The following NRXN3 variants were observed in gnomAD, a reference collection of about 807,000 sequenced individuals.
NRXN3 encodes neurexin 3.
Under a neutral mutation model 137.6 loss-of-function variants are expected in NRXN3, and 32 were observed. The ratio of observed to expected loss-of-function variants is 0.23; its 90% CI spans 0.18 to 0.31. The LOEUF is 0.31. Ranked by LOEUF, NRXN3 falls within the 10% of genes least tolerant of loss-of-function variation. NRXN3 has a pLI of 1.00. For missense variants in NRXN3, 1,574 were observed against 2,062.5 expected (o/e 0.76, Z 4.59); for synonymous variants, 798 against 784.5 (o/e 1.02, Z -0.29).
chr14:78,367,150 G>GT (rs1335979098), intron 4 of NRXN3, among the ~76,000 whole-genome samples: 4 of 152,002 alleles, frequency 2.6e-5, no homozygotes, highest in African/African-American at 9.7e-5. Flanking sequence ...ACTAACTAGG[G>GT]TTTTTCTGCT....
chr14:78,558,721 C>T (rs529876825), intron 4 of NRXN3, among the ~76,000 whole-genome samples: 124 of 152,076 alleles, frequency 8.2e-4, no homozygotes, highest in African/African-American at 2.8e-3. Context: ...ATTTTCTTAC[C>T]ATGTAAAATG....
intron 6 of NRXN3, among the ~76,000 whole-genome samples, chr14:78,703,151 T>C (rs1050045891): frequency 1.3e-5 from 2 of 152,218 alleles, no homozygotes; most frequent in Admixed American, 1.3e-4. Context: ...CAATTTCAGA[T>C]GTTAAAAGGT....
At chr14:79,010,363 C>T (rs2099568962) in intron 15 of NRXN3, among the ~76,000 whole-genome samples, 2 of 152,146 alleles carry the variant, frequency 1.3e-5, no homozygotes, top group Admixed American at 6.5e-5. Context: ...CCCACCTACC[C>T]ACCCAACTAA....
intron 4 of NRXN3, among the ~76,000 whole-genome samples, chr14:78,547,460 T>A (rs1008627972): frequency 6.6e-6 from 1 of 152,050 alleles, no homozygotes; most frequent in Non-Finnish European, 1.5e-5. Flanking sequence ...GGCCTCCCAA[T>A]TTCCAGGCAT....
At chr14:79,802,728 T>C (rs1173821462) in intron 19 of NRXN3, among the ~76,000 whole-genome samples, 2 of 152,316 alleles carry the variant, frequency 1.3e-5, no homozygotes, top group South Asian at 4.1e-4. Context: ...AGAGCTATTA[T>C]AGGGCCCCCT....
chr14:79,460,316 C>G (rs1290385167), intron 15 of NRXN3, among the ~76,000 whole-genome samples: 1 of 152,158 alleles, frequency 6.6e-6, no homozygotes, highest in Non-Finnish European at 1.5e-5. Context: ...AGGGTTTGAA[C>G]ATAACCTATT....
intron 16 of NRXN3, among the ~76,000 whole-genome samples, chr14:79,568,983 T>A (rs1419170980): frequency 6.6e-6 from 1 of 152,116 alleles, no homozygotes; most frequent in Non-Finnish European, 1.5e-5. Flanking sequence ...ATAATTGCTA[T>A]GTTGATGGGA....
At chr14:79,661,153 G>A (rs1480100119) in intron 16 of NRXN3, among the ~76,000 whole-genome samples, 3 of 152,200 alleles carry the variant, frequency 2.0e-5, no homozygotes, top group Admixed American at 1.3e-4. Flanking sequence ...TTAAAGCTAG[G>A]TGCTTTTCCT....
At chr14:78,940,137 C>A (rs1291054828) in intron 10 of NRXN3, among the ~76,000 whole-genome samples, 2 of 152,120 alleles carry the variant, frequency 1.3e-5, no homozygotes, top group South Asian at 2.1e-4. Flanking sequence ...ATAAAAATGC[C>A]CTCCACTACC....
At position 79,384,554 on chromosome 14, in the gene NRXN3, C is replaced by G. The variant is rs543674403; in HGVS notation, c.3263-82667C>G. Among the ~76,000 whole-genome samples, 20 of 152,256 alleles carry G rather than the reference C, an allele frequency of 1.3e-4. No homozygotes were observed. In the South Asian group the frequency reaches 3.1e-3, roughly 24 times the overall value. Reference sequence around the variant, plus strand: ...GCAACCATCTTACCCCAGGAGAGATCAAAAGACATTCACAGATTATGTTAA... The same window carrying G: ...GCAACCATCTTACCCCAGGAGAGATGAAAAGACATTCACAGATTATGTTAA... On this transcript the variant is annotated intron_variant, in intron 15 of 20. Transcript: ENST00000335750.
intron 11 of NRXN3, among the ~76,000 whole-genome samples, chr14:78,964,122 G>A (rs1279025123): frequency 2.0e-5 from 3 of 152,120 alleles, no homozygotes; most frequent in Admixed American, 6.5e-5. Context: ...CCAATATTGA[G>A]CACTTAAGGG....
intron 4 of NRXN3, among the ~76,000 whole-genome samples, chr14:78,608,342 A>T (rs570621914): frequency 1.5e-4 from 23 of 152,234 alleles, no homozygotes; most frequent in Non-Finnish European, 2.9e-4. Flanking sequence ...CTTCAGCCAA[A>T]AGAGAGACAT....
At chr14:79,720,273 T>C (rs1164149888) in intron 19 of NRXN3, among the ~76,000 whole-genome samples, 1 of 152,040 alleles carries the variant, frequency 6.6e-6, no homozygotes, top group African/African-American at 2.4e-5. Flanking sequence ...GTAAGAACAA[T>C]ATGGGGGAAA....
intron 10 of NRXN3, among the ~76,000 whole-genome samples, chr14:78,951,550 C>T (rs2099387115): frequency 6.6e-6 from 1 of 152,114 alleles, no homozygotes; most frequent in Non-Finnish European, 1.5e-5. Flanking sequence ...TGCTTTTCAT[C>T]GTATTACCCT....
intron 4 of NRXN3, among the ~76,000 whole-genome samples, chr14:78,504,795 T>C (rs1014635743): frequency 1.3e-5 from 2 of 152,270 alleles, no homozygotes; most frequent in South Asian, 2.1e-4. Context: ...GCTTAACGTA[T>C]ACTGTGTGAA....
At chr14:79,691,522 C>G (rs2098716527) in intron 17 of NRXN3, among the ~76,000 whole-genome samples, 1 of 151,954 alleles carries the variant, frequency 6.6e-6, no homozygotes, top group South Asian at 2.1e-4. Flanking sequence ...AAATGTGGAA[C>G]AAATCTGGAA....
At chr14:79,529,150 G>A (rs1020376086) in intron 16 of NRXN3, among the ~76,000 whole-genome samples, 2 of 152,160 alleles carry the variant, frequency 1.3e-5, no homozygotes, top group African/African-American at 2.4e-5. Flanking sequence ...CTCTCTGAGT[G>A]CACAATTTCT....
intron 19 of NRXN3, among the ~76,000 whole-genome samples, chr14:79,731,312 C>A (rs1277834590): frequency 6.6e-6 from 1 of 152,102 alleles, no homozygotes; most frequent in Non-Finnish European, 1.5e-5. Context: ...TAAAGAACTG[C>A]CTTTATTTTG....
intron 15 of NRXN3, among the ~76,000 whole-genome samples, chr14:79,262,240 C>G (rs1235434610): frequency 6.6e-6 from 1 of 152,012 alleles, no homozygotes; most frequent in Non-Finnish European, 1.5e-5. Flanking sequence ...ACATTTCTTC[C>G]CATGCAAGTG....
Sources: allele counts gnomAD v4.1 joint callset (sites outside exome capture counted in the v4.1 genomes callset), GRCh38; gene constraint gnomAD v4.1.1; transcripts MANE v1.5; gene names NCBI Gene and HGNC (gene_info 2026-07-23, HGNC 2026-07-21).